KLHL10: variants seen among roughly 807,000 people sequenced by gnomAD.
KLHL10 encodes kelch-like protein 10.
KLHL10 carries 11 observed loss-of-function variants against 46.6 expected under a neutral mutation model. That is an observed-to-expected ratio of 0.24 (90% CI 0.15 to 0.39). The LOEUF is 0.39. Ranked by LOEUF, KLHL10 falls within the 10% of genes least tolerant of loss-of-function variation. The probability of loss-of-function intolerance (pLI) is 1.00; values close to 1 mark genes in which losing one functional copy is unlikely to be tolerated. For missense variants in KLHL10, 475 were observed against 789.8 expected, an observed-to-expected ratio of 0.60 and a Z score of 4.78; for synonymous variants, 254 against 279.1, an observed-to-expected ratio of 0.91 and a Z score of 0.90.
rs781845354 is a variant in KLHL10, at chr17:41,847,383, G to A, written c.1425G>A (p.Val475=). The change falls in exon 4 of 5, where the codon GTG becomes GTA. Residue 475 remains valine (V), a synonymous_variant. Coordinates refer to ENST00000293303, the MANE Select transcript of KLHL10 (RefSeq NM_152467.5). Reference sequence around the variant, plus strand: ...GAAGCAGGAGGAGTGGAATAGGCGTGATTGCTTATGGAGAACATGTATATG... The same window carrying A: ...GAAGCAGGAGGAGTGGAATAGGCGTAATTGCTTATGGAGAACATGTATATG... ...PMRSRRSGIG[V]IAYGEHVYAV... The A allele has an allele frequency of 8.7e-6, 14 of 1,614,064 alleles. No homozygotes were observed. The South Asian group carries it at 1.4e-4, about 16-fold the overall frequency.
chr17:41,842,845 G>C (rs1473444757), intron 2 of KLHL10, among the ~76,000 whole-genome samples: 6 of 151,720 alleles, frequency 4.0e-5, no homozygotes, highest in Non-Finnish European at 8.8e-5. Context: ...GCTGAGGCAG[G>C]AGAATCGCTT....
upstream of KLHL10, among the ~76,000 whole-genome samples, chr17:41,837,155 G>A (rs921627591): frequency 3.9e-5 from 6 of 152,124 alleles, no homozygotes; most frequent in Non-Finnish European, 5.9e-5. Flanking sequence ...AGCGAGACCC[G>A]TCCCTAGAAA....
chr17:41,844,686 T>A (rs1555621101), intron 2 of KLHL10, among the ~76,000 whole-genome samples: 1 of 151,830 alleles, frequency 6.6e-6, no homozygotes, highest in African/African-American at 2.4e-5. Context: ...GTAGTTGGGA[T>A]TACAGGTGCG....
In KLHL10 at chr17:41,842,409, T is replaced by C. The variant is rs549188712; in HGVS notation, c.684+97T>C. 7.0e-6 allele frequency: 10 copies of C among 1,435,838 alleles called. No individual in the cohort carries two copies. In the South Asian group the frequency reaches 1.0e-4, roughly 15 times the overall value. 88.9% of individuals were successfully genotyped at this position (1,435,838 alleles called of 1,614,324 possible). On this transcript the variant is annotated intron_variant, in intron 2 of 4. Transcript: ENST00000293303. ...TCCCAAGGCTGTATTTACATGTCCT[T>C]AGATAGAAGGCATCTACTATTCTCT...
At chr17:41,845,051 A>G (rs2048270073) in intron 2 of KLHL10, 75 bp from the exon 3 acceptor site, 1 of 1,580,626 alleles carries the variant, frequency 6.3e-7, no homozygotes, top group African/African-American at 1.3e-5. Context: ...GGCAGATCGA[A>G]AAATGGGAGT....
In KLHL10 at chr17:41,842,197, T is replaced by C. The variant is rs782820025; in HGVS notation, c.569T>C (p.Ile190Thr). ...TCGGTCACTGAACTTAAGGATATCA[T>C]TGAGAAAGATGAGCTCAATGTCAAA... is the stretch of plus-strand genomic sequence containing the variant. ...ELSVTELKDIIEKDELNVKQE... is the reference protein window; with the variant it reads ...ELSVTELKDITEKDELNVKQE... The change falls in exon 2 of 5, where the codon ATT becomes ACT. Residue 190 changes from isoleucine to threonine, a missense_variant. Ile to Thr is a moderately conservative substitution (Grantham distance 89). Coordinates refer to ENST00000293303, the MANE Select transcript of KLHL10 (RefSeq NM_152467.5). 2 of 1,614,182 alleles carry C rather than the reference T, an allele frequency of 1.2e-6. No homozygotes were observed. The highest frequency in any genetic ancestry group is 2.2e-5 in the South Asian group (2 of 91,080).
At chr17:41,843,221 AT>A (rs1271010118) in intron 2 of KLHL10, among the ~76,000 whole-genome samples, 1 of 152,018 alleles carries the variant, frequency 6.6e-6, no homozygotes, top group Non-Finnish European at 1.5e-5. Flanking sequence ...TGAATTAGAA[AT>A]CATGGCTGGC....
chr17:41,847,377 A>T lies in KLHL10; in HGVS notation c.1419A>T (p.Ile473=). Reference sequence around the variant, plus strand: ...CCATGAGAAGCAGGAGGAGTGGAATAGGCGTGATTGCTTATGGAGAACATG... The same window carrying T: ...CCATGAGAAGCAGGAGGAGTGGAATTGGCGTGATTGCTTATGGAGAACATG... ...IAPMRSRRSG[I]GVIAYGEHVY... is the part of the protein sequence containing the mutation. The change falls in exon 4 of 5, where the codon ATA becomes ATT. Residue 473 remains isoleucine, a synonymous_variant. Transcript: ENST00000293303. 6.2e-7 allele frequency: 1 copy of T among 1,614,160 alleles called. No homozygotes were observed. Among genetic ancestry groups the T allele is most frequent in the Non-Finnish European group, 8.5e-7 (1 of 1,180,016 alleles).
upstream of KLHL10, chr17:41,836,229 C>A: frequency 1.6e-6 from 2 of 1,236,164 alleles, no homozygotes; most frequent in Non-Finnish European, 2.0e-6. Flanking sequence ...CGCGGGACAA[C>A]GACAGCCCCG....
upstream of KLHL10, chr17:41,836,007 G>T (rs1433371756): frequency 6.0e-6 from 9 of 1,487,916 alleles, no homozygotes; most frequent in Non-Finnish European, 8.1e-6. Context: ...CGCTGGGCCC[G>T]AGGGGAGCCC....
In KLHL10 at chr17:41,841,949, C is replaced by A; in HGVS notation, c.321C>A (p.Asp107Glu). The A allele has an allele frequency of 6.2e-7, 1 of 1,614,176 alleles. No individual in the cohort carries two copies. The highest frequency in any genetic ancestry group is 8.5e-7 in the Non-Finnish European group (1 of 1,180,036). The part of the protein sequence containing the change: ...AYTRTVPITP[D>E]NVEKLLAAAD... ...CCCGGACCGTGCCTATCACACCGGA[C>A]AATGTGGAGAAACTGCTTGCTGCTG... Residue 107 changes from aspartate to glutamate, a missense_variant, in exon 2 of 5, where the codon GAC (aspartate) becomes GAA (glutamate). Asp to Glu is a conservative substitution (Grantham distance 45). Transcript: ENST00000293303.
intron 3 of KLHL10, among the ~76,000 whole-genome samples, chr17:41,846,831 T>C (rs1181516796): frequency 6.6e-6 from 1 of 151,016 alleles, no homozygotes; most frequent in Non-Finnish European, 1.5e-5. Context: ...TAAAAATAAA[T>C]AGGCTGGGCA....
chr17:41,845,385 C>G lies in KLHL10; in HGVS notation c.944C>G (p.Ala315Gly). The change falls in exon 3 of 5, where the codon GCA becomes GGA. Residue 315 changes from alanine to glycine, a missense_variant. Ala to Gly is a moderately conservative substitution (Grantham distance 60). Transcript: ENST00000293303. ...TNAIEAYDARADRWVNVTCEE... is the reference protein window; with the variant it reads ...TNAIEAYDARGDRWVNVTCEE... ...GCCATTGAGGCATATGACGCTCGGG[C>G]AGACAGATGGGTGAATGTTACTTGT... 6.2e-7 allele frequency: 1 copy of G among 1,614,196 alleles called. No homozygotes were observed. The highest frequency in any genetic ancestry group is 8.5e-7 in the Non-Finnish European group (1 of 1,180,022).
upstream of KLHL10, chr17:41,836,415 C>G (rs188149649): frequency 4.8e-5 from 47 of 985,162 alleles, 1 homozygote; most frequent in African/African-American, 7.7e-4. Context: ...TTATGAAGAG[C>G]AGGGTGAAGG....
intron 1 of KLHL10, among the ~76,000 whole-genome samples, chr17:41,839,242 G>A (rs1272429703): frequency 2.0e-5 from 3 of 152,082 alleles, no homozygotes; most frequent in Non-Finnish European, 2.9e-5. Flanking sequence ...CACCCACCTT[G>A]GTCTCCCAAA....
chr17:41,845,482 T>C lies in KLHL10; in HGVS notation c.1041T>C (p.Phe347=). 1 of 1,614,234 alleles carries C rather than the reference T, an allele frequency of 6.2e-7. No individual in the cohort carries two copies. Among genetic ancestry groups the C allele is most frequent in the Non-Finnish European group, 8.5e-7 (1 of 1,180,044 alleles). Residue 347 remains phenylalanine, a synonymous_variant, in exon 3 of 5, where the codon TTT becomes TTC. Transcript: ENST00000293303. The part of the protein sequence containing the change: ...LKGYVYIIGG[F]DSVDYFNSVK... The stretch of plus-strand genomic sequence containing the variant: ...GCTATGTGTATATCATTGGGGGGTT[T>C]GATAGTGTAGACTATTTCAATAGTG...
In KLHL10 at chr17:41,846,135, C is replaced by T. The variant is rs140081043; in HGVS notation, c.1302+392C>T. Reference sequence around the variant, plus strand: ...CTGAGGCAGGAGAATCGCTTGAACCCCGGAGGCAGAGGATTTCAGTGAGCC... The same window carrying T: ...CTGAGGCAGGAGAATCGCTTGAACCTCGGAGGCAGAGGATTTCAGTGAGCC... On this transcript the variant is annotated intron_variant, in intron 3 of 4. Coordinates refer to ENST00000293303, the MANE Select transcript of KLHL10 (RefSeq NM_152467.5). Among the ~76,000 whole-genome samples the T allele has an allele frequency of 2.7e-3, 410 of 150,510 alleles. 4 individuals are homozygous for T. The highest frequency in any genetic ancestry group is 9.7e-3 in the African/African-American group (396 of 40,878).
In KLHL10 at chr17:41,842,287, A is replaced by G. The variant is rs2048234718; in HGVS notation, c.659A>G (p.Gln220Arg). 6 of 1,614,132 alleles carry G rather than the reference A, an allele frequency of 3.7e-6. No individual in the cohort carries two copies. The East Asian group carries it at 1.3e-4, about 36-fold the overall frequency. Reference sequence around the variant, plus strand: ...TCTCATGACCCCCAAAATAGAAAGCAGCACATTTCAATTTTGCTTCCTAAG... The same window carrying G: ...TCTCATGACCCCCAAAATAGAAAGCGGCACATTTCAATTTTGCTTCCTAAG... Reference protein sequence around the residue: ...WISHDPQNRKQHISILLPKVR... With the variant: ...WISHDPQNRKRHISILLPKVR... Residue 220 changes from glutamine to arginine, a missense_variant, in exon 2 of 5, where the codon CAG becomes CGG. Physicochemically the swap from Gln to Arg is conservative, Grantham distance 43 (BLOSUM62 1). Coordinates refer to ENST00000293303, the MANE Select transcript of KLHL10 (RefSeq NM_152467.5).
rs1380414445 is a variant in KLHL10, at chr17:41,845,988, G to C, written c.1302+245G>C. ...GCACTTTGGGAGGCCGAGGCAAGCA[G>C]ATCACTAGGTCAGGAGTTCAAGACC... On this transcript the variant is annotated intron_variant, in intron 3 of 4. Coordinates refer to ENST00000293303, the MANE Select transcript of KLHL10 (RefSeq NM_152467.5). Among the ~76,000 whole-genome samples, 4 of 152,108 alleles carry C rather than the reference G, an allele frequency of 2.6e-5. No individual in the cohort carries two copies. The East Asian group carries it at 7.7e-4, about 29-fold the overall frequency.
Sources: allele counts gnomAD v4.1 joint callset (sites outside exome capture counted in the v4.1 genomes callset), GRCh38; gene constraint gnomAD v4.1.1; transcripts MANE v1.5; gene names NCBI Gene and HGNC (gene_info 2026-07-23, HGNC 2026-07-21).